The following TAF5L variants were observed in gnomAD, a reference collection of about 807,000 sequenced individuals.
TAF5L encodes TAF5-like RNA polymerase II p300/CBP-associated factor-associated factor 65 kDa subunit 5L.
A neutral mutation model predicts 51.3 loss-of-function variants in TAF5L; 7 were observed. That is an observed-to-expected ratio of 0.14 (90% confidence interval 0.08 to 0.26). TAF5L has a LOEUF of 0.26. Among genes scored for constraint, TAF5L ranks in the 10% least tolerant of loss-of-function variants. The pLI, the probability that TAF5L is intolerant of heterozygous loss-of-function variation, is 1.00. For missense variants in TAF5L, 575 were observed against 758.9 expected, an observed-to-expected ratio of 0.76 and a Z score of 2.85; for synonymous variants, 291 against 308.1, an observed-to-expected ratio of 0.94 and a Z score of 0.58.
intron 2 of TAF5L, chr1:229,614,078 A>G (rs1034742482): frequency 1.6e-6 from 1 of 627,740 alleles, no homozygotes; most frequent in African/African-American, 1.8e-5. Flanking sequence ...GTACAGATAA[A>G]GTAACTGAGA....
intron 2 of TAF5L, 49 bp downstream of exon 2, chr1:229,614,292 G>A (rs191798945): frequency 0.012 from 19,250 of 1,614,164 alleles, 160 homozygotes; most frequent in Non-Finnish European, 0.015. Flanking sequence ...ATATTGACGT[G>A]AGTTCTCCTG....
chr1:229,594,078 T>G lies in TAF5L; in HGVS notation c.*219A>C. The G allele has an allele frequency of 5.5e-6, 3 of 550,220 alleles. No individual in the cohort carries two copies. The highest frequency in any genetic ancestry group is 3.4e-5 in the East Asian group (1 of 29,710). The allele number at this position is 550,220 out of a possible 1,614,324, so 34.1% of individuals were successfully genotyped here. A position where few individuals can be genotyped will look rare whatever the true frequency, so the allele number is the denominator to read the frequency against. On this transcript the variant is annotated 3_prime_UTR_variant, in exon 5 of 5. Transcript: ENST00000258281. The surrounding 1 kb of genome is among the most constrained non-coding windows in gnomAD (Gnocchi z 7.9). The stretch of plus-strand genomic sequence containing the variant: ...GTGAGTGACCTCCAGGGCACTCTAA[T>G]TCTTGATCACTCATCATTGCCTCTC...
intron 3 of TAF5L, chr1:229,606,491 A>T (rs1337658599): frequency 6.1e-5 from 60 of 985,290 alleles, no homozygotes; most frequent in Non-Finnish European, 7.1e-5. Flanking sequence ...ATTAGTAGTA[A>T]AAAGGATACT....
At chr1:229,595,363 T>C (rs893502755) in intron 4 of TAF5L, among the ~76,000 whole-genome samples, 1 of 152,192 alleles carries the variant, frequency 6.6e-6, no homozygotes, top group African/African-American at 2.4e-5. Flanking sequence ...GATACAGAAA[T>C]GCAAGGCCAT....
In TAF5L at chr1:229,603,179, A is replaced by G. The variant is rs371051161; in HGVS notation, c.248-260T>C. On this transcript the variant is annotated intron_variant, in intron 3 of 4. Transcript: ENST00000258281. ...CAGGAACTTAATGCCCAGAGTGGTT[A>G]AGTGACTTGCCAGAGTTCACAACAA... 4.6e-5 allele frequency among the ~76,000 whole-genome samples: 7 copies of G among 152,318 alleles called. No homozygotes were observed. The East Asian group carries it at 1.3e-3, about 29-fold the overall frequency.
chr1:229,617,053 G>A (rs1665029302), intron 1 of TAF5L, among the ~76,000 whole-genome samples: 2 of 152,114 alleles, frequency 1.3e-5, no homozygotes, highest in Non-Finnish European at 2.9e-5. Context: ...TTCTCTCACT[G>A]TATTGATGAC....
At chr1:229,622,491 G>A (rs1665248317) in intron 1 of TAF5L, among the ~76,000 whole-genome samples, 1 of 152,164 alleles carries the variant, frequency 6.6e-6, no homozygotes, top group East Asian at 1.9e-4. Context: ...TCTAAGCTTT[G>A]AGATTTGGAA....
intron 4 of TAF5L, among the ~76,000 whole-genome samples, chr1:229,598,559 G>A (rs74142407): frequency 1.3e-5 from 2 of 151,982 alleles, no homozygotes; most frequent in Admixed American, 6.5e-5. Context: ...TAGTGATAAG[G>A]GTAGCTGCAT....
At chr1:229,613,329 C>CAAAAAA (rs567436350) in intron 2 of TAF5L, among the ~76,000 whole-genome samples, 2 of 84,564 alleles carry the variant, frequency 2.4e-5, no homozygotes, top group Non-Finnish European at 4.8e-5. Context: ...GACTCTGTCT[C>CAAAAAA]AAAAAAAAAA....
At chr1:229,611,603 C>G (rs1445697430) in intron 2 of TAF5L, among the ~76,000 whole-genome samples, 1 of 152,128 alleles carries the variant, frequency 6.6e-6, no homozygotes, top group Non-Finnish European at 1.5e-5. Flanking sequence ...CTTCTTGCCC[C>G]CCGCTTAGTT....
intron 4 of TAF5L, chr1:229,601,822 C>T: frequency 9.7e-7 from 1 of 1,028,250 alleles, no homozygotes; most frequent in Non-Finnish European, 1.2e-6. Flanking sequence ...CCCTTCGACT[C>T]AGTTATCCTA....
At position 229,594,351 on chromosome 1, in the gene TAF5L, C is replaced by G; in HGVS notation, c.1716G>C (p.Met572Ile). 1 of 1,614,010 alleles carries G rather than the reference C, an allele frequency of 6.2e-7. No homozygotes were observed. Among genetic ancestry groups the G allele is most frequent in the Non-Finnish European group, 8.5e-7 (1 of 1,179,982 alleles). ...CAGTCACCAGAAGAAGGTTACAGGC[C>G]ATGAACTGCACGCTCAGGACGTTGC... The change falls in exon 5 of 5, where the codon ATG becomes ATC. Residue 572 changes from methionine (M) to isoleucine (I), a missense_variant. Physicochemically the swap from Met to Ile is conservative, Grantham distance 10. This residue lies in a region of TAF5L where 91 missense variants were observed against 96.9 expected (regional missense o/e 0.94). Coordinates refer to ENST00000258281, the Ensembl canonical transcript of TAF5L. The surrounding 1 kb of genome is among the most constrained non-coding windows in gnomAD (Gnocchi z 7.9).
chr1:229,622,122 ACATT>A (rs1229277234), intron 1 of TAF5L, among the ~76,000 whole-genome samples: 15 of 152,146 alleles, frequency 9.9e-5, no homozygotes, highest in East Asian at 1.9e-4. Flanking sequence ...TATTATACAT[ACATT>A]ATGTTTTGCA....
chr1:229,598,728 T>C, intron 4 of TAF5L, among the ~76,000 whole-genome samples: 1 of 149,726 alleles, frequency 6.7e-6, no homozygotes, highest in East Asian at 2.0e-4. Context: ...AGACAGAATC[T>C]CACTCTATCG....
intron 2 of TAF5L, chr1:229,614,129 G>C (rs1664887329): frequency 1.3e-6 from 1 of 748,914 alleles, no homozygotes; most frequent in Non-Finnish European, 2.3e-6. Context: ...GGGAATCACA[G>C]AGGTTATCAG....
At chr1:229,605,469 T>G (rs1366922730) in intron 3 of TAF5L, among the ~76,000 whole-genome samples, 2 of 152,166 alleles carry the variant, frequency 1.3e-5, no homozygotes, top group African/African-American at 4.8e-5. Context: ...ATTTGGAGAT[T>G]AAGTATGGAA....
intron 1 of TAF5L, among the ~76,000 whole-genome samples, chr1:229,620,957 T>C (rs1242262269): frequency 3.5e-5 from 1 of 28,412 alleles, no homozygotes; most frequent in Non-Finnish European, 5.9e-5. Context: ...AAAACATTTA[T>C]GTGTGTGTGT....
intron 1 of TAF5L, among the ~76,000 whole-genome samples, chr1:229,617,057 T>C (rs146485536): frequency 1.3e-4 from 20 of 152,328 alleles, no homozygotes; most frequent in Non-Finnish European, 2.6e-4. Context: ...CTCACTGTAT[T>C]GATGACTTAG....
intron 1 of TAF5L, among the ~76,000 whole-genome samples, chr1:229,624,735 A>G (rs1269060907): frequency 3.9e-5 from 6 of 152,154 alleles, no homozygotes; most frequent in African/African-American, 1.4e-4. Flanking sequence ...AGCTCTATCC[A>G]CTACATTATG....
Sources: gnomAD v4.1 joint callset for allele counts (sites outside exome capture counted in the v4.1 genomes callset) on GRCh38, gnomAD v4.1.1 for gene constraint, gnomAD v4.1.1 regional missense constraint, Gnocchi (gnomAD v3.1) non-coding constraint, MANE v1.5 for transcripts, NCBI Gene and HGNC (gene_info 2026-07-23, HGNC 2026-07-21) for gene names.